KCMF1: variants seen among roughly 807,000 people sequenced by gnomAD.
The protein encoded by KCMF1 is potassium channel modulatory factor 1, also known as E3 ubiquitin-protein ligase KCMF1.
A neutral mutation model predicts 41.1 loss-of-function variants in KCMF1; 3 were observed. That is an observed-to-expected ratio of 0.07 (90% confidence interval 0.03 to 0.19). The LOEUF is 0.19. Among genes scored for constraint, KCMF1 ranks in the 10% least tolerant of loss-of-function variants. The pLI is 1.00. For missense variants in KCMF1, 286 were observed against 488.9 expected, an observed-to-expected ratio of 0.58 and a Z score of 3.91; for synonymous variants, 142 against 164.5, an observed-to-expected ratio of 0.86 and a Z score of 1.04.
At chr2:85,049,680 G>A in intron 6 of KCMF1, 32 bp downstream of exon 6, 1 of 1,559,848 alleles carries the variant, frequency 6.4e-7, no homozygotes. Flanking sequence ...TTTTGTTTGG[G>A]AAGTAATATT....
At chr2:84,982,179 G>T (rs1304878980) in intron 1 of KCMF1, among the ~76,000 whole-genome samples, 2 of 152,034 alleles carry the variant, frequency 1.3e-5, no homozygotes, top group African/African-American at 4.8e-5. Context: ...TGTGTTACGG[G>T]TTTTTGTGAA....
chr2:84,984,789 C>T (rs1574006252), intron 1 of KCMF1, among the ~76,000 whole-genome samples: 1 of 152,248 alleles, frequency 6.6e-6, no homozygotes, highest in South Asian at 2.1e-4. Flanking sequence ...CATTGCACTC[C>T]AGTCCAGCCT....
intron 5 of KCMF1, among the ~76,000 whole-genome samples, 156 bp from the exon 6 acceptor site, chr2:85,049,210 G>C (rs1675745106): frequency 6.6e-6 from 1 of 152,190 alleles, no homozygotes. Flanking sequence ...GCCTTCAGGA[G>C]GCATTCTAGA....
At chr2:85,008,321 C>CATATATAATATATAATATTATATATA (rs1440605576) in intron 1 of KCMF1, among the ~76,000 whole-genome samples, 1 of 43,948 alleles carries the variant, frequency 2.3e-5, no homozygotes, top group Non-Finnish European at 4.4e-5. Flanking sequence ...ATATATATAT[C>CATATATAATATATAATATTATATATA]ATATATAATA....
chr2:85,001,708 A>C (rs1674332858), intron 1 of KCMF1, among the ~76,000 whole-genome samples: 1 of 152,150 alleles, frequency 6.6e-6, no homozygotes, highest in Non-Finnish European at 1.5e-5. Flanking sequence ...CCCAGTTGAG[A>C]GTGATAGTGA....
At chr2:84,973,477 T>G (rs1030091834) in intron 1 of KCMF1, among the ~76,000 whole-genome samples, 1 of 152,196 alleles carries the variant, frequency 6.6e-6, no homozygotes, top group African/African-American at 2.4e-5. Context: ...TAGTAACTTA[T>G]GTTAATGTCA....
intron 1 of KCMF1, among the ~76,000 whole-genome samples, chr2:85,011,413 G>A (rs1275693919): frequency 2.0e-5 from 3 of 152,154 alleles, no homozygotes; most frequent in Non-Finnish European, 4.4e-5. Flanking sequence ...TGTACTTATT[G>A]TATCACTGCT....
chr2:85,049,646 A>C lies in KCMF1; in HGVS notation c.882A>C (p.Thr294=). ...QTLQNSQFLL[T]RLNDPKMSET... ...TACAGAATTCCCAGTTTCTTTTAAC[A>C]AGGTAGCTCATTTGTTAATAGAATT... Residue 294 remains threonine, a splice_region_variant and synonymous_variant, in exon 6 of 7, where the codon ACA becomes ACC. Transcript: ENST00000409785. 6.2e-7 allele frequency: 1 copy of C among 1,607,896 alleles called. No individual in the cohort carries two copies. The highest frequency in any genetic ancestry group is 8.5e-7 in the Non-Finnish European group (1 of 1,175,234).
At chr2:85,047,619 T>G (rs1574043743) in intron 5 of KCMF1, among the ~76,000 whole-genome samples, 1 of 148,730 alleles carries the variant, frequency 6.7e-6, no homozygotes, top group African/African-American at 2.5e-5. Context: ...AAAAACACAG[T>G]TTTTGAACCT....
rs148408153 is a variant in KCMF1 at position 84,976,378 on chromosome 2, T to C, written c.16+4911T>C. On this transcript the variant is annotated intron_variant, in intron 1 of 6. Transcript: ENST00000409785. ...CCTGCCACTGCTACTGGCTAATTTT[T>C]CTATTTTTAGTGGAGACAGGTTTCA... Among the ~76,000 whole-genome samples the C allele has an allele frequency of 6.6e-5, 10 of 152,080 alleles. No individual in the cohort carries two copies. In the East Asian group the frequency reaches 1.5e-3, roughly 24 times the overall value.
intron 1 of KCMF1, among the ~76,000 whole-genome samples, chr2:84,983,436 C>T (rs2103968654): frequency 6.6e-6 from 1 of 152,206 alleles, no homozygotes; most frequent in East Asian, 1.9e-4. Context: ...AAGAGATTCT[C>T]ATACCTCAAT....
intron 1 of KCMF1, among the ~76,000 whole-genome samples, chr2:84,998,393 C>T (rs1292620771): frequency 6.6e-6 from 1 of 151,954 alleles, no homozygotes; most frequent in East Asian, 1.9e-4. Flanking sequence ...CCATGGCCAG[C>T]CTATAATACA....
intron 1 of KCMF1, chr2:84,972,124 C>T (rs1673413944): frequency 6.6e-6 from 1 of 152,332 alleles, no homozygotes; most frequent in East Asian, 1.9e-4. Flanking sequence ...CCGACCCCGC[C>T]GCAGCAAGCA....
At chr2:85,018,730 C>T (rs1049188434) in intron 1 of KCMF1, among the ~76,000 whole-genome samples, 3 of 151,532 alleles carry the variant, frequency 2.0e-5, no homozygotes, top group South Asian at 2.1e-4. Context: ...TCAGCTTTGC[C>T]TCTCAAGGCA....
At chr2:85,014,146 G>A (rs183173512) in intron 1 of KCMF1, 5 of 152,238 alleles carry the variant, frequency 3.3e-5, no homozygotes, top group Admixed American at 3.3e-4. Context: ...TTTGTTTGGT[G>A]ATAAACCTCT....
intron 1 of KCMF1, among the ~76,000 whole-genome samples, chr2:85,013,431 C>A (rs150540497): frequency 9.9e-5 from 15 of 152,224 alleles, no homozygotes; most frequent in African/African-American, 3.6e-4. Context: ...GTATTCTGCT[C>A]CCTCCTTATA....
chr2:85,047,946 A>G (rs933747272), intron 5 of KCMF1, among the ~76,000 whole-genome samples: 2 of 152,186 alleles, frequency 1.3e-5, no homozygotes, highest in African/African-American at 4.8e-5. Context: ...AGGAGACAGC[A>G]GACACTGGGG....
intron 1 of KCMF1, among the ~76,000 whole-genome samples, chr2:84,972,723 G>GA (rs1673432069): frequency 6.6e-6 from 1 of 152,216 alleles, no homozygotes; most frequent in Admixed American, 6.5e-5. Flanking sequence ...GATTAAAATT[G>GA]TATTTAGAAC....
At position 85,035,106 on chromosome 2, in the gene KCMF1, C is replaced by G. The variant is rs1412434155; in HGVS notation, c.275C>G (p.Ser92Cys). The change falls in exon 3 of 7, where the codon TCT (serine) becomes TGT (cysteine). Residue 92 changes from serine (S) to cysteine (C), a missense_variant. Physicochemically the swap from Ser to Cys is moderately radical, Grantham distance 112. Coordinates refer to ENST00000409785, the MANE Select transcript of KCMF1 (RefSeq NM_020122.5). ...YCGKMGYTETSLQEHVTSEHA... is the reference protein window; with the variant it reads ...YCGKMGYTETCLQEHVTSEHA... ...GGAAAAATGGGCTATACGGAGACAT[C>G]TCTTCAAGAACATGTTACTTCTGAA... The G allele has an allele frequency of 6.2e-7, 1 of 1,613,348 alleles. No homozygotes were observed.
Sources: allele counts gnomAD v4.1 joint callset (sites outside exome capture counted in the v4.1 genomes callset), GRCh38; gene constraint gnomAD v4.1.1; transcripts MANE v1.5; gene names NCBI Gene and HGNC (gene_info 2026-07-23, HGNC 2026-07-21).